SLC1A1: variants seen among roughly 807,000 people sequenced by gnomAD.
The protein encoded by SLC1A1 is excitatory amino acid transporter 3.
SLC1A1 carries 43 observed loss-of-function variants against 53.3 expected under a neutral mutation model. The ratio of observed to expected loss-of-function variants is 0.81; its 90% CI spans 0.63 to 1.04. The LOEUF (loss-of-function observed/expected upper bound fraction) is 1.04, where lower values mean the gene tolerates loss of function less well. Among genes scored for constraint, SLC1A1 ranks in the 50% least tolerant of loss-of-function variants. SLC1A1 has a pLI of 0.00. For missense variants in SLC1A1, 748 were observed against 664.9 expected (o/e 1.12, Z -1.37); for synonymous variants, 307 against 243.2 (o/e 1.26, Z -2.44).
At chr9:4,570,439 T>G (rs1819921721) in intron 6 of SLC1A1, among the ~76,000 whole-genome samples, 1 of 149,840 alleles carries the variant, frequency 6.7e-6, no homozygotes, top group South Asian at 2.1e-4. Context: ...TGGCGTGACC[T>G]TGGCTCACTG....
chr9:4,533,695 AG>A (rs1478115712), intron 1 of SLC1A1, among the ~76,000 whole-genome samples: 2 of 152,206 alleles, frequency 1.3e-5, no homozygotes, highest in Non-Finnish European at 2.9e-5. Context: ...AATTGAACTC[AG>A]CTCTGCACCA....
intron 1 of SLC1A1, among the ~76,000 whole-genome samples, chr9:4,499,145 A>T (rs1268843059): frequency 1.3e-5 from 2 of 151,122 alleles, no homozygotes; most frequent in Non-Finnish European, 2.9e-5. Context: ...CCCAGGTTCA[A>T]GCGATTCTTC....
intron 1 of SLC1A1, among the ~76,000 whole-genome samples, chr9:4,518,123 C>A (rs1259253691): frequency 6.7e-6 from 1 of 149,458 alleles, no homozygotes; most frequent in Non-Finnish European, 1.5e-5. Flanking sequence ...GTAATCCCAG[C>A]TACTCAGGAG....
chr9:4,545,189 G>GTCTCTCTC (rs6150901), intron 2 of SLC1A1, among the ~76,000 whole-genome samples: 3,100 of 130,960 alleles, frequency 0.024, 131 homozygotes, highest in African/African-American at 0.072. Flanking sequence ...TACATTAGAT[G>GTCTCTCTC]TCTCTCTCTC....
intron 1 of SLC1A1, among the ~76,000 whole-genome samples, chr9:4,511,036 T>A (rs535397364): frequency 6.6e-6 from 1 of 152,346 alleles, no homozygotes; most frequent in South Asian, 2.1e-4. Context: ...ACAACACTCA[T>A]AAGTTAAATT....
chr9:4,555,210 G>A (rs1309645493), intron 2 of SLC1A1, among the ~76,000 whole-genome samples: 1 of 152,230 alleles, frequency 6.6e-6, no homozygotes, highest in East Asian at 1.9e-4. Flanking sequence ...TCCACATGGC[G>A]AGTTTTAACT....
chr9:4,507,163 G>A (rs771841082), intron 1 of SLC1A1, among the ~76,000 whole-genome samples: 2 of 152,102 alleles, frequency 1.3e-5, no homozygotes, highest in Admixed American at 6.5e-5. Flanking sequence ...GAACCCGGGA[G>A]GTGGACCTTG....
At chr9:4,540,071 C>T (rs1473871082) in intron 1 of SLC1A1, among the ~76,000 whole-genome samples, 3 of 152,070 alleles carry the variant, frequency 2.0e-5, no homozygotes, top group Admixed American at 2.0e-4. Flanking sequence ...CTCCTGCCAC[C>T]CATCATGTGC....
chr9:4,567,659 C>T lies in SLC1A1; in HGVS notation c.484-10C>T. On this transcript the variant is annotated splice_polypyrimidine_tract_variant and intron_variant, in intron 5 of 11. Coordinates refer to ENST00000262352, the MANE Select transcript of SLC1A1 (RefSeq NM_004170.6). ...TTGTTTGCTTGTCCTTGATTTTCTC[C>T]AACATGCAGTACAAAACTAAGCGTG... 1 of 1,579,948 alleles carries T rather than the reference C, an allele frequency of 6.3e-7. No homozygotes were observed. The highest frequency in any genetic ancestry group is 2.2e-5 in the East Asian group (1 of 44,678).
intron 1 of SLC1A1, among the ~76,000 whole-genome samples, chr9:4,497,445 T>C (rs1001933413): frequency 3.3e-5 from 5 of 152,180 alleles, no homozygotes; most frequent in African/African-American, 1.2e-4. Flanking sequence ...GTTGCTCTTC[T>C]CTGTGCCCAT....
intron 3 of SLC1A1, 31 bp from the exon 4 acceptor site, chr9:4,564,313 A>T: frequency 2.0e-6 from 3 of 1,485,890 alleles, no homozygotes. Flanking sequence ...GAAGGTTCCT[A>T]ATGCTCTGTG....
rs538186781 is a variant in SLC1A1, at chr9:4,556,452, A to G, written c.233-4997A>G. On this transcript the variant is annotated intron_variant, in intron 2 of 11. Coordinates refer to ENST00000262352, the MANE Select transcript of SLC1A1 (RefSeq NM_004170.6). This position sits in a 1 kb window ranked among gnomAD's most constrained non-coding sequence, Gnocchi z 4.1. ...AGTTCATTCTCATTTATCACCCCCTATAGGACAGCTTTCAACTCCCAGGAG... is the reference window on the plus strand; with the variant it reads ...AGTTCATTCTCATTTATCACCCCCTGTAGGACAGCTTTCAACTCCCAGGAG... Among the ~76,000 whole-genome samples, 1 of 152,126 alleles carries G rather than the reference A, an allele frequency of 6.6e-6. No homozygotes were observed. Among genetic ancestry groups the G allele is most frequent in the African/African-American group, 2.4e-5 (1 of 41,420 alleles).
chr9:4,543,683 A>G (rs1817209871), intron 1 of SLC1A1, among the ~76,000 whole-genome samples: 1 of 152,258 alleles, frequency 6.6e-6, no homozygotes, highest in African/African-American at 2.4e-5. Flanking sequence ...AAACCTGAAT[A>G]TATCATTATC....
At chr9:4,572,069 T>C (rs1043355669) in intron 6 of SLC1A1, 135 bp from the exon 7 acceptor site, 18 of 749,496 alleles carry the variant, frequency 2.4e-5, no homozygotes, top group African/African-American at 1.6e-4. Context: ...TTATATTTTC[T>C]ATAGTTTTGT....
At chr9:4,509,806 A>G (rs1288665300) in intron 1 of SLC1A1, among the ~76,000 whole-genome samples, 3 of 152,134 alleles carry the variant, frequency 2.0e-5, no homozygotes, top group African/African-American at 7.2e-5. Flanking sequence ...TGTTGAAAAG[A>G]TACAAAGTCT....
intron 1 of SLC1A1, among the ~76,000 whole-genome samples, chr9:4,504,740 A>G (rs1820742581): frequency 6.6e-6 from 1 of 152,226 alleles, no homozygotes. Flanking sequence ...CTGGTTTTTA[A>G]AAAGTTGATG....
chr9:4,553,661 C>G (rs145716632), intron 2 of SLC1A1: 1 of 152,270 alleles, frequency 6.6e-6, no homozygotes, highest in Non-Finnish European at 1.5e-5. Flanking sequence ...ACCACTGCAC[C>G]TGGAGAGCCC....
intron 1 of SLC1A1, among the ~76,000 whole-genome samples, chr9:4,500,375 C>G (rs905367984): frequency 1.3e-5 from 2 of 152,128 alleles, no homozygotes; most frequent in Non-Finnish European, 2.9e-5. Context: ...GTAGTGCGAT[C>G]TCGGCTACTG....
At chr9:4,521,784 T>G (rs903313303) in intron 1 of SLC1A1, among the ~76,000 whole-genome samples, 1 of 152,102 alleles carries the variant, frequency 6.6e-6, no homozygotes, top group Non-Finnish European at 1.5e-5. Flanking sequence ...CAAGTGCAGT[T>G]GATGGTGGCA....
Sources: gnomAD v4.1 joint callset for allele counts (sites outside exome capture counted in the v4.1 genomes callset) on GRCh38, gnomAD v4.1.1 for gene constraint, Gnocchi (gnomAD v3.1) non-coding constraint, MANE v1.5 for transcripts, NCBI Gene and HGNC (gene_info 2026-07-23, HGNC 2026-07-21) for gene names.